CCDC171: variants seen among roughly 807,000 people sequenced by gnomAD.
The protein encoded by CCDC171 is coiled-coil domain containing 171.
CCDC171 carries 177 observed loss-of-function variants against 168.2 expected under a neutral mutation model. That is an observed-to-expected ratio of 1.05 (90% CI 0.93 to 1.19). The LOEUF (loss-of-function observed/expected upper bound fraction) is 1.19. Ranked by LOEUF, CCDC171 falls within the 50% of genes most tolerant of loss-of-function variation. The pLI, the probability that CCDC171 is intolerant of heterozygous loss-of-function variation, is 0.00. For missense variants in CCDC171, 1,991 were observed against 1,539.0 expected, an observed-to-expected ratio of 1.29 and a Z score of -4.91; for synonymous variants, 687 against 540.8, an observed-to-expected ratio of 1.27 and a Z score of -3.75.
intron 25 of CCDC171, among the ~76,000 whole-genome samples, chr9:15,939,599 T>C (rs1337967042): frequency 6.6e-6 from 1 of 151,898 alleles, no homozygotes; most frequent in Non-Finnish European, 1.5e-5. Flanking sequence ...CACAGTCTTG[T>C]TTATCTCTAT....
In CCDC171 at chr9:15,750,970, A is replaced by G. The variant is rs188454870; in HGVS notation, c.2671+5339A>G. On this transcript the variant is annotated intron_variant, in intron 18 of 25. Coordinates refer to ENST00000380701, the MANE Select transcript of CCDC171 (RefSeq NM_173550.4). Reference sequence around the variant, plus strand: ...AAAGAAAGGGTATTCAGTTAGGAAAAGAGGAAATCAAATGGTCTCTGTTGG... The same window carrying G: ...AAAGAAAGGGTATTCAGTTAGGAAAGGAGGAAATCAAATGGTCTCTGTTGG... 1.2e-4 allele frequency among the ~76,000 whole-genome samples: 18 copies of G among 152,312 alleles called. No individual in the cohort carries two copies. The East Asian group carries it at 3.1e-3, about 26-fold the overall frequency.
chr9:15,967,077 C>A (rs1331279121), intron 25 of CCDC171, among the ~76,000 whole-genome samples: 1 of 152,066 alleles, frequency 6.6e-6, no homozygotes, highest in Non-Finnish European at 1.5e-5. Context: ...GTATAAACTA[C>A]GGTGGCCTAT....
chr9:15,763,170 C>G (rs939035897), intron 18 of CCDC171, among the ~76,000 whole-genome samples: 2 of 152,192 alleles, frequency 1.3e-5, no homozygotes, highest in Non-Finnish European at 2.9e-5. Context: ...AGGGTGAAGT[C>G]TGGGATGGCT....
At chr9:15,619,113 C>A (rs1242001942) in intron 6 of CCDC171, among the ~76,000 whole-genome samples, 1 of 152,110 alleles carries the variant, frequency 6.6e-6, no homozygotes, top group African/African-American at 2.4e-5. Context: ...CCAACTCTCC[C>A]TCTCGTCTGG....
At chr9:16,039,043 G>T (rs915380873), upstream of CCDC171, among the ~76,000 whole-genome samples, 3 of 152,172 alleles carry the variant, frequency 2.0e-5, no homozygotes, top group Non-Finnish European at 2.9e-5. Context: ...CATAGTAGAT[G>T]TTTTAACACA....
intron 25 of CCDC171, among the ~76,000 whole-genome samples, chr9:15,956,837 C>T (rs961623634): frequency 2.6e-5 from 4 of 151,968 alleles, no homozygotes; most frequent in African/African-American, 7.3e-5. Context: ...TCGACCTTTC[C>T]GCTTTTACTT....
intron 8 of CCDC171, among the ~76,000 whole-genome samples, chr9:15,658,931 G>A (rs1056748678): frequency 4.6e-5 from 7 of 152,172 alleles, no homozygotes; most frequent in Admixed American, 1.3e-4. Context: ...GGGACAAACT[G>A]AGAATGCATG....
intron 7 of CCDC171, among the ~76,000 whole-genome samples, chr9:15,642,198 G>C (rs1246451564): frequency 6.6e-6 from 1 of 151,302 alleles, no homozygotes; most frequent in East Asian, 1.9e-4. Flanking sequence ...GTAGTGTATA[G>C]TACATAATAC....
Position 15,729,757 on chromosome 9 carries a change from C to A in CCDC171, c.2008C>A (p.Gln670Lys), listed in dbSNP as rs772974226. The A allele has an allele frequency of 6.2e-7, 1 of 1,612,914 alleles. No individual in the cohort carries two copies. The highest frequency in any genetic ancestry group is 2.2e-5 in the East Asian group (1 of 44,862). The change falls in exon 16 of 26, where the codon CAG (glutamine) becomes AAG (lysine). Residue 670 changes from glutamine (Q) to lysine (K), a missense_variant. Transcript: ENST00000380701. ...WHRQKKELELQYSELFLEVQK... is the reference protein window; with the variant it reads ...WHRQKKELELKYSELFLEVQK... ...CAGACAAAAGAAGGAACTAGAGCTGCAGTATTCTGAACTCTTCCTGGAGGT... is the reference window on the plus strand; with the variant it reads ...CAGACAAAAGAAGGAACTAGAGCTGAAGTATTCTGAACTCTTCCTGGAGGT...
chr9:16,079,754 G>A, the CCDC171 span, among the ~76,000 whole-genome samples: 2 of 152,176 alleles, frequency 1.3e-5, no homozygotes, highest in African/African-American at 2.4e-5. Flanking sequence ...AACCTGATAC[G>A]CATGGAATCT....
chr9:15,707,209 C>G (rs902736945), intron 11 of CCDC171, among the ~76,000 whole-genome samples: 4 of 152,094 alleles, frequency 2.6e-5, no homozygotes, highest in Non-Finnish European at 5.9e-5. Flanking sequence ...CCAAACTTGC[C>G]GCACTTCATT....
At chr9:15,850,118 G>T (rs7388793) in intron 23 of CCDC171, 113,854 of 151,734 alleles carry the variant, frequency 0.75, 44,360 homozygotes, top group East Asian at 0.89. Context: ...GACATCTTTG[G>T]TATGTTTTTT....
At chr9:15,788,894 T>G (rs761135944) in intron 21 of CCDC171, among the ~76,000 whole-genome samples, 3 of 152,136 alleles carry the variant, frequency 2.0e-5, no homozygotes, top group Admixed American at 2.0e-4. Flanking sequence ...TAAATAATAA[T>G]TTAGACTGGA....
intron 7 of CCDC171, among the ~76,000 whole-genome samples, chr9:15,650,942 A>T (rs1000377586): frequency 2.6e-5 from 4 of 151,948 alleles, no homozygotes; most frequent in African/African-American, 9.7e-5. Context: ...CTGCTATCTA[A>T]CTTTAGGACT....
At chr9:15,756,484 C>T (rs1439752908) in intron 18 of CCDC171, among the ~76,000 whole-genome samples, 1 of 152,048 alleles carries the variant, frequency 6.6e-6, no homozygotes, top group African/African-American at 2.4e-5. Context: ...TTCTGTCACC[C>T]AGGTAGTGAG....
intron 25 of CCDC171, among the ~76,000 whole-genome samples, chr9:15,966,642 C>T (rs1271089816): frequency 6.6e-6 from 1 of 152,124 alleles, no homozygotes; most frequent in East Asian, 1.9e-4. Context: ...CTTTTTAGAT[C>T]TCTAGGCACA....
intron 7 of CCDC171, among the ~76,000 whole-genome samples, chr9:15,634,447 C>T (rs1587617014): frequency 6.6e-6 from 1 of 151,994 alleles, no homozygotes; most frequent in Non-Finnish European, 1.5e-5. Flanking sequence ...TGCAGACATC[C>T]CCCTGATTTT....
intron 1 of CCDC171, among the ~76,000 whole-genome samples, chr9:16,052,012 A>G (rs1833758071): frequency 6.6e-6 from 1 of 152,228 alleles, no homozygotes; most frequent in Non-Finnish European, 1.5e-5. Flanking sequence ...TGAGAACAGC[A>G]GGAGAAAAAC....
the CCDC171 span, among the ~76,000 whole-genome samples, chr9:16,081,446 G>A: frequency 0.47 from 71,059 of 151,938 alleles, 18,893 homozygotes; most frequent in African/African-American, 0.74. Flanking sequence ...AAGGATTTTT[G>A]TTCTATGGTT....
Sources: allele counts gnomAD v4.1 joint callset (sites outside exome capture counted in the v4.1 genomes callset), GRCh38; gene constraint gnomAD v4.1.1; transcripts MANE v1.5; gene names NCBI Gene and HGNC (gene_info 2026-07-23, HGNC 2026-07-21).